Variants in CMSS1 observed in about 807,000 individuals in gnomAD.
CMSS1 encodes the protein cms1 ribosomal small subunit homolog, also known as protein CMSS1.
CMSS1 carries 33 observed loss-of-function variants against 43.5 expected under a neutral mutation model. The observed-to-expected ratio is 0.76, with a 90% CI of 0.57 to 1.01. CMSS1 has a LOEUF of 1.01. Ranked by LOEUF, CMSS1 falls within the 50% of genes least tolerant of loss-of-function variation. The pLI is 0.00. For missense variants in CMSS1, 313 were observed against 326.4 expected, an observed-to-expected ratio of 0.96 and a Z score of 0.32; for synonymous variants, 115 against 117.2, an observed-to-expected ratio of 0.98 and a Z score of 0.12.
chr3:100,028,343 T>C (rs2064964824), intron 1 of CMSS1, among the ~76,000 whole-genome samples: 1 of 152,176 alleles, frequency 6.6e-6, no homozygotes, highest in Admixed American at 6.6e-5. Flanking sequence ...CTTTACTACT[T>C]TTGACTCTTC....
chr3:100,055,314 C>A (rs1374642931), intron 1 of CMSS1, among the ~76,000 whole-genome samples: 2 of 152,168 alleles, frequency 1.3e-5, no homozygotes, highest in East Asian at 1.9e-4. Context: ...CCTCTTAGTT[C>A]TGTTATCCCC....
At chr3:99,841,495 A>G (rs1943130193) in intron 1 of CMSS1, among the ~76,000 whole-genome samples, 1 of 152,208 alleles carries the variant, frequency 6.6e-6, no homozygotes, top group Admixed American at 6.5e-5. Flanking sequence ...CACCACAGGC[A>G]TGAATATTCA....
intron 1 of CMSS1, chr3:99,849,094 A>G: frequency 6.2e-7 from 1 of 1,614,128 alleles, no homozygotes; most frequent in Non-Finnish European, 8.5e-7. Context: ...GGGAATCCAT[A>G]GCTTTCTGTT....
chr3:100,039,103 C>G (rs2065158698), intron 1 of CMSS1, among the ~76,000 whole-genome samples: 2 of 152,156 alleles, frequency 1.3e-5, no homozygotes, highest in Non-Finnish European at 2.9e-5. Context: ...GGAAATTATG[C>G]TTTCACCAGT....
chr3:99,859,496 T>C (rs780241843), intron 1 of CMSS1, among the ~76,000 whole-genome samples: 3 of 152,248 alleles, frequency 2.0e-5, no homozygotes, highest in Non-Finnish European at 2.9e-5. Context: ...GTTTAATACA[T>C]TACTTTTTCT....
At chr3:99,873,701 C>T (rs1348561410) in intron 1 of CMSS1, among the ~76,000 whole-genome samples, 5 of 152,072 alleles carry the variant, frequency 3.3e-5, no homozygotes, top group Non-Finnish European at 7.4e-5. Context: ...AACCCTTAAA[C>T]AAAATTTACA....
rs977730400 is a variant in CMSS1, at chr3:99,910,791, A to G, written c.64+92748A>G. Among the ~76,000 whole-genome samples, 4 of 152,076 alleles carry G rather than the reference A, an allele frequency of 2.6e-5. 1 individual carries two copies. The highest frequency in any genetic ancestry group is 2.6e-4 in the Admixed American group (4 of 15,260). On this transcript the variant is annotated intron_variant, in intron 1 of 9. Transcript: ENST00000421999. ...GTAGATAACTAGAATATTTATGCCCATTTTATAGATGGAAGCATCAACACA... is the reference window on the plus strand; with the variant it reads ...GTAGATAACTAGAATATTTATGCCCGTTTTATAGATGGAAGCATCAACACA...
At chr3:100,142,673 GA>G (rs1198883163) in intron 1 of CMSS1, among the ~76,000 whole-genome samples, 1 of 152,108 alleles carries the variant, frequency 6.6e-6, no homozygotes, top group Non-Finnish European at 1.5e-5. Context: ...ATCATTCATT[GA>G]TTTTTAAACA....
intron 1 of CMSS1, among the ~76,000 whole-genome samples, chr3:100,098,686 G>T (rs1298280506): frequency 1.3e-5 from 2 of 152,182 alleles, no homozygotes; most frequent in Admixed American, 6.5e-5. Context: ...GCCTCACTGT[G>T]TAGCATAGCA....
chr3:99,843,904 G>A (rs1481206001), intron 1 of CMSS1, among the ~76,000 whole-genome samples: 3 of 152,180 alleles, frequency 2.0e-5, no homozygotes, highest in Non-Finnish European at 2.9e-5. Context: ...AACTGCACAT[G>A]CGAGGGGTCT....
At chr3:99,837,808 T>C (rs1942962634) in intron 1 of CMSS1, among the ~76,000 whole-genome samples, 1 of 152,260 alleles carries the variant, frequency 6.6e-6, no homozygotes, top group Non-Finnish European at 1.5e-5. Flanking sequence ...GGGAAAATTT[T>C]CTGTTTCTGC....
At chr3:99,824,992 C>T (rs1231550272) in intron 1 of CMSS1, among the ~76,000 whole-genome samples, 1 of 152,194 alleles carries the variant, frequency 6.6e-6, no homozygotes, top group Non-Finnish European at 1.5e-5. Flanking sequence ...CACCTTGGAT[C>T]TTTTCTTTAA....
chr3:100,080,529 T>C (rs1422038894), intron 1 of CMSS1, among the ~76,000 whole-genome samples: 1 of 152,162 alleles, frequency 6.6e-6, no homozygotes, highest in Non-Finnish European at 1.5e-5. Flanking sequence ...AATGCAGATA[T>C]AGGTGATCTG....
chr3:100,013,736 A>T (rs1710234371), intron 1 of CMSS1, among the ~76,000 whole-genome samples: 1 of 152,186 alleles, frequency 6.6e-6, no homozygotes, highest in Admixed American at 6.5e-5. Flanking sequence ...ACTGTGTACA[A>T]TGCAATGTTT....
At chr3:99,988,160 A>G (rs554835371) in intron 1 of CMSS1, among the ~76,000 whole-genome samples, 1 of 152,024 alleles carries the variant, frequency 6.6e-6, no homozygotes, top group Admixed American at 6.6e-5. Context: ...GAATTGTGGG[A>G]TCTTTTATCT....
At position 99,829,318 on chromosome 3, in the gene CMSS1, A is replaced by T. The variant is rs1424392302; in HGVS notation, c.64+11275A>T. ...GCCTTGTCTTAAAATGTCCTGTATT[A>T]CTCTGTCCACACTGAATTACAGGCA... On this transcript the variant is annotated intron_variant, in intron 1 of 9. Coordinates refer to ENST00000421999, the MANE Select transcript of CMSS1 (RefSeq NM_032359.4). 3.3e-5 allele frequency among the ~76,000 whole-genome samples: 5 copies of T among 151,922 alleles called. No homozygotes were observed. The East Asian group carries it at 9.6e-4, about 29-fold the overall frequency.
chr3:100,049,553 A>G (rs1048738424), intron 1 of CMSS1, among the ~76,000 whole-genome samples: 1 of 152,202 alleles, frequency 6.6e-6, no homozygotes, highest in Non-Finnish European at 1.5e-5. Flanking sequence ...AATAAAAGTG[A>G]TTAGAATATA....
At chr3:99,918,411 A>C (rs1013228108) in intron 1 of CMSS1, among the ~76,000 whole-genome samples, 6 of 152,270 alleles carry the variant, frequency 3.9e-5, no homozygotes, top group Admixed American at 3.3e-4. Flanking sequence ...TAGGCTTGTT[A>C]ATGTTTTCTT....
At chr3:100,117,852 TAC>T (rs1553715634) in intron 1 of CMSS1, among the ~76,000 whole-genome samples, 5,031 of 90,082 alleles carry the variant, frequency 0.056, 171 homozygotes, top group Admixed American at 0.071. Context: ...TATATATATA[TAC>T]ATATATATAT....
Sources: allele counts gnomAD v4.1 joint callset (sites outside exome capture counted in the v4.1 genomes callset), GRCh38; gene constraint gnomAD v4.1.1; transcripts MANE v1.5; gene names NCBI Gene and HGNC (gene_info 2026-07-23, HGNC 2026-07-21).